The following CCHCR1 variants were observed in gnomAD, a reference collection of about 807,000 sequenced individuals.
The protein encoded by CCHCR1 is coiled-coil alpha-helical rod protein 1.
CCHCR1 carries 91 observed loss-of-function variants against 114.6 expected under a neutral mutation model. That is an observed-to-expected ratio of 0.79 (90% CI 0.67 to 0.94). The LOEUF is 0.94. Among genes scored for constraint, CCHCR1 ranks in the 40% least tolerant of loss-of-function variants. The pLI is 0.00. For missense variants in CCHCR1, 899 were observed against 1,079.9 expected, an observed-to-expected ratio of 0.83 and a Z score of 2.35; for synonymous variants, 379 against 428.5, an observed-to-expected ratio of 0.88 and a Z score of 1.43.
rs1470489706 is a variant in CCHCR1 at position 31,151,142 on chromosome 6, C to G, written c.802-20G>C. The G allele has an allele frequency of 6.2e-7, 1 of 1,606,606 alleles. No individual in the cohort carries two copies. The highest frequency in any genetic ancestry group is 1.3e-5 in the African/African-American group (1 of 74,660). ...GGACAGCTGCGGAAAGAAGAGGGGG[C>G]TCAGCAGAGGCTCGACCCCACATGG... On this transcript the variant is annotated intron_variant, in intron 4 of 17. Transcript: ENST00000396268. The surrounding 1 kb of genome is among the most constrained non-coding windows in gnomAD (Gnocchi z 4.1).
At chr6:31,155,272 G>A (rs1775823752) in intron 3 of CCHCR1, among the ~76,000 whole-genome samples, 2 of 152,128 alleles carry the variant, frequency 1.3e-5, no homozygotes, top group Non-Finnish European at 2.9e-5. Context: ...GAGGTCGTAA[G>A]CTTCCAGTAT....
rs377127124 is a variant in CCHCR1 at position 31,150,750 on chromosome 6, C to T, written c.1076G>A (p.Arg359Gln). ...EVHSQTWELE[R>Q]QKLLETMQHL... Reference sequence around the variant, plus strand: ...CTGCATGGTTTCCAGAAGCTTCTGTCGCTCCAGTTCCCATGTCTGGCTGTG... The same window carrying T: ...CTGCATGGTTTCCAGAAGCTTCTGTTGCTCCAGTTCCCATGTCTGGCTGTG... Residue 359 changes from arginine (R) to glutamine (Q), a missense_variant, in exon 6 of 18, where the codon CGA (arginine) becomes CAA (glutamine). By Grantham distance (43) the Arg-to-Gln change is conservative. Coordinates refer to ENST00000396268, the MANE Select transcript of CCHCR1 (RefSeq NM_001105564.2). This position sits in a 1 kb window ranked among gnomAD's most constrained non-coding sequence, Gnocchi z 5.3. 157 of 1,612,928 alleles carry T rather than the reference C, an allele frequency of 9.7e-5. 2 individuals carry two copies. The highest frequency in any genetic ancestry group is 5.1e-4 in the East Asian group (23 of 44,882).
Position 31,143,526 on chromosome 6 carries a change from T to C in CCHCR1, c.2168-113A>G. 2 of 1,092,440 alleles carry C rather than the reference T, an allele frequency of 1.8e-6. No homozygotes were observed. Among genetic ancestry groups the C allele is most frequent in the South Asian group, 1.5e-5 (1 of 66,216 alleles). 67.7% of individuals were successfully genotyped at this position (1,092,440 alleles called of 1,614,324 possible). A position where few individuals can be genotyped will look rare whatever the true frequency, so the allele number is the denominator to read the frequency against. ...CACCAACTCTGTGGCTTGGGGAGGC[T>C]GTTCTGCTCTGTGGATCTGTCTCTT... On this transcript the variant is annotated intron_variant, in intron 15 of 17. Coordinates refer to ENST00000396268, the MANE Select transcript of CCHCR1 (RefSeq NM_001105564.2). The surrounding 1 kb of genome is among the most constrained non-coding windows in gnomAD (Gnocchi z 5.3).
chr6:31,145,438 C>A lies in CCHCR1; in HGVS notation c.1739+10G>T. 1 of 1,614,186 alleles carries A rather than the reference C, an allele frequency of 6.2e-7. No homozygotes were observed. The highest frequency in any genetic ancestry group is 8.5e-7 in the Non-Finnish European group (1 of 1,180,028). ...AAAGCCCCATCCACCTCAAAGTGCC[C>A]AAACTTCACCTCTCCTGGCGCAGCT... On this transcript the variant is annotated intron_variant, in intron 12 of 17. Transcript: ENST00000396268.
intron 10 of CCHCR1, among the ~76,000 whole-genome samples, chr6:31,146,558 A>G (rs2240066): frequency 0.038 from 5,813 of 152,220 alleles, 142 homozygotes; most frequent in South Asian, 0.099. Flanking sequence ...CCAGGTCTGC[A>G]CCCACAGAAA....
In CCHCR1 at chr6:31,156,827, T is replaced by A; in HGVS notation, c.401A>T (p.Asp134Val). Residue 134 changes from aspartate (D) to valine (V), a missense_variant, in exon 3 of 18, where the codon GAT becomes GTT. Coordinates refer to ENST00000396268, the MANE Select transcript of CCHCR1 (RefSeq NM_001105564.2). The part of the protein sequence containing the change: ...IPLVQPPGHQ[D>V]VSERRLDTQR... Reference sequence around the variant, plus strand: ...GGTGTCTAGCCGCCTCTCTGAGACATCTTGATGGCCTGGGGGTTGGACCAG... The same window carrying A: ...GGTGTCTAGCCGCCTCTCTGAGACAACTTGATGGCCTGGGGGTTGGACCAG... 1 of 1,612,884 alleles carries A rather than the reference T, an allele frequency of 6.2e-7. No individual in the cohort carries two copies. Among genetic ancestry groups the A allele is most frequent in the African/African-American group, 1.3e-5 (1 of 74,992 alleles).
At chr6:31,146,806 A>G (rs1246214692) in intron 10 of CCHCR1, among the ~76,000 whole-genome samples, 1 of 152,190 alleles carries the variant, frequency 6.6e-6, no homozygotes, top group African/African-American at 2.4e-5. Context: ...GCCTGGTACC[A>G]AAGTCAAACC....
chr6:31,155,400 C>T (rs1010704500), intron 3 of CCHCR1, among the ~76,000 whole-genome samples: 1 of 151,822 alleles, frequency 6.6e-6, no homozygotes, highest in African/African-American at 2.4e-5. Flanking sequence ...GTCAGGAGAT[C>T]GAGATCATCC....
intron 10 of CCHCR1, among the ~76,000 whole-genome samples, chr6:31,146,517 T>C (rs1425883674): frequency 6.6e-6 from 1 of 152,130 alleles, no homozygotes; most frequent in Non-Finnish European, 1.5e-5. Context: ...AAGGAGTGTC[T>C]GGGGCCGGGC....
chr6:31,145,132 C>G, intron 13 of CCHCR1, 34 bp downstream of exon 13: 2 of 1,608,486 alleles, frequency 1.2e-6, no homozygotes, highest in African/African-American at 1.3e-5. Flanking sequence ...CGGGTTTTTC[C>G]TCATCCTCTC....
chr6:31,155,889 C>T (rs1775935242), intron 3 of CCHCR1, among the ~76,000 whole-genome samples: 1 of 152,176 alleles, frequency 6.6e-6, no homozygotes, highest in African/African-American at 2.4e-5. Context: ...TCAAGGGGTC[C>T]TACCACCTTA....
rs1017565718 is a variant in CCHCR1, at chr6:31,144,498, T to G, written c.2167+189A>C. ...GCATAAGCCACCGCGACCGGCCATA[T>G]GCTGTTTCTTAATCTGGTGCTGGCT... On this transcript the variant is annotated intron_variant, in intron 15 of 17. Coordinates refer to ENST00000396268, the MANE Select transcript of CCHCR1 (RefSeq NM_001105564.2). This position sits in a 1 kb window ranked among gnomAD's most constrained non-coding sequence, Gnocchi z 4.6. 1 of 576,140 alleles carries G rather than the reference T, an allele frequency of 1.7e-6. No individual in the cohort carries two copies. Among genetic ancestry groups the G allele is most frequent in the Non-Finnish European group, 3.1e-6 (1 of 327,672 alleles). The allele number at this position is 576,140 out of a possible 1,614,324, so 35.7% of individuals were successfully genotyped here.
Position 31,150,785 on chromosome 6 carries a change from A to AG in CCHCR1, c.1040dup (p.Ser348PhefsTer2). ...CCCATGTCTGGCTGTGGACCTCAGAAGGCACTTGTTCCCCAACATATTTTC... is the reference window on the plus strand; with the variant it reads ...CCCATGTCTGGCTGTGGACCTCAGAAGGGCACTTGTTCCCCAACATATTTTC... On this transcript the variant is annotated frameshift_variant, in exon 6 of 18. Transcript: ENST00000396268. LOFTEE classifies it high-confidence loss of function. The surrounding 1 kb of genome is among the most constrained non-coding windows in gnomAD (Gnocchi z 5.3). 1.2e-6 allele frequency: 2 copies of AG among 1,613,042 alleles called. No individual in the cohort carries two copies. The highest frequency in any genetic ancestry group is 2.2e-5 in the South Asian group (2 of 91,084).
chr6:31,156,797 C>A lies in CCHCR1; in HGVS notation c.431G>T (p.Arg144Ile). Residue 144 changes from arginine to isoleucine, a missense_variant, in exon 3 of 18, where the codon AGA (arginine) becomes ATA (isoleucine). Transcript: ENST00000396268. ...DVSERRLDTQ[R>I]PQVTMWERDV... ...CCGTTCCCACATGGTCACTTGAGGT[C>A]TCTGGGTGTCTAGCCGCCTCTCTGA... The A allele has an allele frequency of 6.2e-7, 1 of 1,612,946 alleles. No homozygotes were observed. Among genetic ancestry groups the A allele is most frequent in the Non-Finnish European group, 8.5e-7 (1 of 1,180,020 alleles).
In CCHCR1 at chr6:31,151,063, C is replaced by A; in HGVS notation, c.861G>T (p.Glu287Asp). The change falls in exon 5 of 18, where the codon GAG (glutamate) becomes GAT (aspartate). Residue 287 changes from glutamate (E) to aspartate (D), a missense_variant. Physicochemically the swap from Glu to Asp is conservative, Grantham distance 45. Transcript: ENST00000396268. This position sits in a 1 kb window ranked among gnomAD's most constrained non-coding sequence, Gnocchi z 4.1. ...GACTACTCAGAGACTTCTCCAAGCC[C>A]TCAGCCTTGCTGGTCAAACTGGAAA... ...EALSSLTSKA[E>D]GLEKSLSSLE... 1 of 1,613,086 alleles carries A rather than the reference C, an allele frequency of 6.2e-7. No homozygotes were observed. Among genetic ancestry groups the A allele is most frequent in the Non-Finnish European group, 8.5e-7 (1 of 1,180,034 alleles).
rs1773874044 is a variant in CCHCR1 at position 31,143,589 on chromosome 6, C to T, written c.2168-176G>A. 6.6e-6 allele frequency among the ~76,000 whole-genome samples: 1 copy of T among 152,200 alleles called. No individual in the cohort carries two copies. The highest frequency in any genetic ancestry group is 2.4e-5 in the African/African-American group (1 of 41,452). ...AGGGGTGGGCTGATGCTCTAGGAGC[C>T]TGGGAATCTGAACCTAAGTATCTTC... On this transcript the variant is annotated intron_variant, in intron 15 of 17. Coordinates refer to ENST00000396268, the MANE Select transcript of CCHCR1 (RefSeq NM_001105564.2). This position sits in a 1 kb window ranked among gnomAD's most constrained non-coding sequence, Gnocchi z 5.3.
Position 31,151,249 on chromosome 6 carries a change from T to TG in CCHCR1, c.802-128dup. On this transcript the variant is annotated intron_variant, in intron 4 of 17. Coordinates refer to ENST00000396268, the MANE Select transcript of CCHCR1 (RefSeq NM_001105564.2). This position sits in a 1 kb window ranked among gnomAD's most constrained non-coding sequence, Gnocchi z 4.1. The stretch of plus-strand genomic sequence containing the variant: ...CAATCAGCCAACTGTGCACAGCAAA[T>TG]GGAGAGCTGGCAACTCACTCTCCGC... The TG allele has an allele frequency of 1.0e-6, 1 of 1,000,878 alleles. No individual in the cohort carries two copies. The highest frequency in any genetic ancestry group is 1.5e-6 in the Non-Finnish European group (1 of 685,040). The allele number at this position is 1,000,878 out of a possible 1,614,324, so 62.0% of individuals were successfully genotyped here. A position where few individuals can be genotyped will look rare whatever the true frequency, so the allele number is the denominator to read the frequency against.
chr6:31,148,590 C>T (rs1431647136), intron 9 of CCHCR1, 28 bp downstream of exon 9: 1 of 1,599,996 alleles, frequency 6.3e-7, no homozygotes, highest in Non-Finnish European at 8.6e-7. Context: ...CCTTGCCCTC[C>T]CCGAGTCTCT....
In CCHCR1 at chr6:31,144,958, G is replaced by T; in HGVS notation, c.1992C>A (p.Gly664=). Residue 664 remains glycine, a synonymous_variant, in exon 14 of 18, where the codon GGC becomes GGA. Coordinates refer to ENST00000396268, the MANE Select transcript of CCHCR1 (RefSeq NM_001105564.2). The surrounding 1 kb of genome is among the most constrained non-coding windows in gnomAD (Gnocchi z 4.6). ...CAGCCTCCTCTGTGCTCTCCTGCTG[G>T]CCCTGGCGTGCTACCTCCAGCTGCA... ...LGLQLEVARQ[G]QQESTEEAAS... 2 of 1,610,842 alleles carry T rather than the reference G, an allele frequency of 1.2e-6. No homozygotes were observed. Among genetic ancestry groups the T allele is most frequent in the South Asian group, 2.2e-5 (2 of 91,070 alleles).
Sources: allele counts gnomAD v4.1 joint callset (sites outside exome capture counted in the v4.1 genomes callset), GRCh38; gene constraint gnomAD v4.1.1; non-coding constraint Gnocchi (gnomAD v3.1); transcripts MANE v1.5; gene names NCBI Gene and HGNC (gene_info 2026-07-23, HGNC 2026-07-21).